The following ODF2 variants were observed in gnomAD, a reference collection of about 807,000 sequenced individuals.
ODF2 encodes outer dense fiber of sperm tails 2.
In ODF2, 47 loss-of-function variants were observed where a neutral mutation model predicts 110.2. The ratio of observed to expected loss-of-function variants is 0.43; its 90% confidence interval spans 0.34 to 0.54. ODF2 has a LOEUF of 0.54. ODF2 is among the 20% of genes least tolerant of loss of function. ODF2 has a pLI of 0.03. For missense variants in ODF2, 812 were observed against 1,054.5 expected (o/e 0.77, Z 3.19); for synonymous variants, 352 against 397.7 (o/e 0.89, Z 1.37).
chr9:128,485,008 A>G lies in ODF2; in HGVS notation c.1290+122A>G. 2 of 1,057,226 alleles carry G rather than the reference A, an allele frequency of 1.9e-6. No individual in the cohort carries two copies. Among genetic ancestry groups the G allele is most frequent in the Non-Finnish European group, 2.8e-6 (2 of 710,270 alleles). The allele number at this position is 1,057,226 out of a possible 1,614,324, so 65.5% of individuals were successfully genotyped here. ...GTGGATGAGGGATGGTAGTGGTGGA[A>G]AGGATAGATGGCTGGGGAGGAGGGA... is the stretch of plus-strand genomic sequence containing the variant. On this transcript the variant is annotated intron_variant, in intron 12 of 20. Transcript: ENST00000604420. The surrounding 1 kb of genome is among the most constrained non-coding windows in gnomAD (Gnocchi z 5.0).
chr9:128,485,295 C>A lies in ODF2; in HGVS notation c.1291-70C>A. 1.2e-6 allele frequency: 1 copy of A among 811,192 alleles called. No homozygotes were observed. The highest frequency in any genetic ancestry group is 2.1e-6 in the Non-Finnish European group (1 of 480,482). 50.2% of individuals were successfully genotyped at this position (811,192 alleles called of 1,614,324 possible). On this transcript the variant is annotated intron_variant, in intron 12 of 20. Transcript: ENST00000604420. This position sits in a 1 kb window ranked among gnomAD's most constrained non-coding sequence, Gnocchi z 5.0. Reference sequence around the variant, plus strand: ...AGGGTGAGAAACCACCTAGGATGAGCCCGCTCCCAGCTCCTGGCAGCCTCA... The same window carrying A: ...AGGGTGAGAAACCACCTAGGATGAGACCGCTCCCAGCTCCTGGCAGCCTCA...
intron 3 of ODF2, 75 bp from the exon 3 acceptor site, chr9:128,460,475 G>T (rs55889962): frequency 2.9e-5 from 46 of 1,577,128 alleles, no homozygotes; most frequent in Non-Finnish European, 4.0e-5. Context: ...CCCAGAGGCT[G>T]TGAGCTCTGT....
intron 4 of ODF2, among the ~76,000 whole-genome samples, chr9:128,464,494 G>T (rs9695988): frequency 1 from 151,668 of 152,136 alleles, 75,605 homozygotes; most frequent in Middle Eastern, 1. Flanking sequence ...TTGGTAGTTT[G>T]GGTTTTTTTG....
intron 16 of ODF2, 58 bp downstream of exon 16, chr9:128,492,863 C>T: frequency 1.4e-6 from 2 of 1,431,232 alleles, no homozygotes; most frequent in Non-Finnish European, 2.0e-6. Flanking sequence ...AACTCAATGA[C>T]TGTGAGTCTG....
rs1455120991 is a variant in ODF2 at position 128,473,592 on chromosome 9, T to G, written c.712-18T>G. The G allele has an allele frequency of 1.2e-6, 2 of 1,612,650 alleles. No homozygotes were observed. Among genetic ancestry groups the G allele is most frequent in the East Asian group, 4.5e-5 (2 of 44,808 alleles). On this transcript the variant is annotated intron_variant, in intron 7 of 20. Coordinates refer to ENST00000604420, the Ensembl canonical transcript of ODF2. ...CCTTCTCCCCCTGCATCTGTAAGAC[T>G]GGCTACTTGTCTTCCAGGAGAAACA...
At chr9:128,487,005 C>T (rs1053274712) in intron 13 of ODF2, among the ~76,000 whole-genome samples, 7 of 152,176 alleles carry the variant, frequency 4.6e-5, no homozygotes, top group African/African-American at 1.7e-4. Flanking sequence ...GGGATCATGT[C>T]TCTGGTCCTT....
intron 14 of ODF2, among the ~76,000 whole-genome samples, chr9:128,491,000 C>T (rs1162121115): frequency 1.3e-5 from 2 of 151,680 alleles, no homozygotes; most frequent in Non-Finnish European, 2.9e-5. Context: ...GAGAGAAGTT[C>T]ACAACATAAT....
intron 18 of ODF2, chr9:128,497,481 A>ATATATATATATATATG (rs1554857727): frequency 6.9e-5 from 8 of 116,660 alleles, no homozygotes; most frequent in Non-Finnish European, 1.1e-4. Context: ...ATATATATAT[A>ATATATATATATATATG]TATATGTATA....
Position 128,459,664 on chromosome 9 carries a change from G to C in ODF2, c.123+7G>C, listed in dbSNP as rs762744139. 6.2e-7 allele frequency: 1 copy of C among 1,608,354 alleles called. No individual in the cohort carries two copies. The highest frequency in any genetic ancestry group is 1.1e-5 in the South Asian group (1 of 90,816). On this transcript the variant is annotated splice_region_variant and intron_variant, in intron 3 of 20. Transcript: ENST00000604420. ...ACCCAGTGTAACTGTGACGGTAGGT[G>C]ATGCACTCACGTAGCAGCCCTCTTT...
chr9:128,456,451 C>G (rs1016155846), intron 1 of ODF2, 196 bp downstream of exon 1: 6 of 1,517,398 alleles, frequency 4.0e-6, no homozygotes, highest in Admixed American at 2.0e-5. Context: ...CCTCCTCCCG[C>G]TAACGGGCGG....
intron 14 of ODF2, among the ~76,000 whole-genome samples, chr9:128,489,636 A>G (rs576589231): frequency 6.6e-6 from 1 of 152,288 alleles, no homozygotes; most frequent in African/African-American, 2.4e-5. Context: ...TGTCCATTCT[A>G]CTGTCAGTGG....
chr9:128,495,157 T>C (rs1255377210), intron 17 of ODF2, among the ~76,000 whole-genome samples: 1 of 152,254 alleles, frequency 6.6e-6, no homozygotes, highest in African/African-American at 2.4e-5. Context: ...CGGCCTGCAG[T>C]GTCCAAGAAA....
rs151067364 is a variant in ODF2, at chr9:128,500,216, G to T, written c.2451G>T (p.Leu817=). 8 of 1,613,974 alleles carry T rather than the reference G, an allele frequency of 5.0e-6. No homozygotes were observed. In the African/African-American group the frequency reaches 1.1e-4, roughly 22 times the overall value. ...GGGATGGTCCCTATTCCACCTTCCTGACTAGCTCTCCCATCCGCTCCCGAT... is the reference window on the plus strand; with the variant it reads ...GGGATGGTCCCTATTCCACCTTCCTTACTAGCTCTCCCATCCGCTCCCGAT... Residue 817 remains leucine, a synonymous_variant, in exon 21 of 21, where the codon CTG becomes CTT. Coordinates refer to ENST00000604420, the Ensembl canonical transcript of ODF2.
chr9:128,491,264 C>G (rs561355640), intron 14 of ODF2, among the ~76,000 whole-genome samples: 1 of 151,964 alleles, frequency 6.6e-6, no homozygotes, highest in Non-Finnish European at 1.5e-5. Flanking sequence ...AGGCTGGTCT[C>G]GAACTCCTGA....
chr9:128,497,438 AAAAAAAAAAT>A (rs1845745556), intron 18 of ODF2: 1 of 94,556 alleles, frequency 1.1e-5, no homozygotes, highest in Non-Finnish European at 1.9e-5. Flanking sequence ...AAAAAAAAAA[AAAAAAAAAAT>A]ATATATATAT....
intron 14 of ODF2, among the ~76,000 whole-genome samples, 157 bp from the exon 15 acceptor site, chr9:128,492,269 G>C (rs1052484432): frequency 2.6e-5 from 4 of 152,062 alleles, no homozygotes; most frequent in African/African-American, 9.7e-5. Context: ...GTAACATTAG[G>C]AGTCTTACCT....
chr9:128,487,867 G>A, intron 13 of ODF2, 23 bp from the exon 14 acceptor site: 1 of 1,612,626 alleles, frequency 6.2e-7, no homozygotes, highest in East Asian at 2.2e-5. Flanking sequence ...CTCTCTGTCT[G>A]CTTTCACTTT....
In ODF2 at chr9:128,494,124, T is replaced by G. The variant is rs1316409346; in HGVS notation, c.1753-386T>G. On this transcript the variant is annotated intron_variant, in intron 16 of 20. Transcript: ENST00000604420. The surrounding 1 kb of genome is among the most constrained non-coding windows in gnomAD (Gnocchi z 4.6). ...TTAGACTAGACTTTAATCCTGTGTT[T>G]ACCAGTTTTTAGCTGAATGACCTTG... 6.6e-6 allele frequency among the ~76,000 whole-genome samples: 1 copy of G among 152,186 alleles called. No individual in the cohort carries two copies.
At chr9:128,463,078 CAT>C (rs1836922315) in intron 4 of ODF2, among the ~76,000 whole-genome samples, 1 of 152,012 alleles carries the variant, frequency 6.6e-6, no homozygotes, top group Non-Finnish European at 1.5e-5. Context: ...GCCTGGGCAA[CAT>C]AGTGAGATCC....
Sources: allele counts gnomAD v4.1 joint callset (sites outside exome capture counted in the v4.1 genomes callset), GRCh38; gene constraint gnomAD v4.1.1; non-coding constraint Gnocchi (gnomAD v3.1); transcripts MANE v1.5; gene names NCBI Gene and HGNC (gene_info 2026-07-23, HGNC 2026-07-21).